Variants in SNRNP40 observed in about 807,000 individuals in gnomAD.
SNRNP40 encodes the protein U5 small nuclear ribonucleoprotein 40 kDa protein.
In SNRNP40, 21 loss-of-function variants were observed where a neutral mutation model predicts 45.8. The observed-to-expected ratio is 0.46, with a 90% CI of 0.32 to 0.66. The LOEUF is 0.66. Ranked by LOEUF, SNRNP40 falls within the 30% of genes least tolerant of loss-of-function variation. The probability of loss-of-function intolerance (pLI) is 0.03; values close to 1 mark genes in which losing one functional copy is unlikely to be tolerated. For synonymous variants in SNRNP40, 142 were observed against 163.8 expected, an observed-to-expected ratio of 0.87 and a Z score of 1.01; for missense variants, 344 against 439.1, an observed-to-expected ratio of 0.78 and a Z score of 1.94.
chr1:31,296,483 C>A, intron 1 of SNRNP40, 128 bp downstream of exon 1: 1 of 1,286,632 alleles, frequency 7.8e-7, no homozygotes. Flanking sequence ...TGTTTATGTG[C>A]TTTAACTCTG....
chr1:31,275,669 C>T (rs1282017171), intron 5 of SNRNP40, among the ~76,000 whole-genome samples: 1 of 152,182 alleles, frequency 6.6e-6, no homozygotes, highest in African/African-American at 2.4e-5. Context: ...GGATAACAGG[C>T]ATGAGCCACA....
At chr1:31,270,748 G>A (rs1419131417) in intron 6 of SNRNP40, among the ~76,000 whole-genome samples, 1 of 152,182 alleles carries the variant, frequency 6.6e-6, no homozygotes, top group Non-Finnish European at 1.5e-5. Flanking sequence ...ATACATTTTA[G>A]TTCCTGACAA....
intron 5 of SNRNP40, among the ~76,000 whole-genome samples, chr1:31,272,211 G>C (rs1407644179): frequency 1.3e-5 from 2 of 152,020 alleles, no homozygotes; most frequent in Non-Finnish European, 2.9e-5. Context: ...GAAAAATACA[G>C]ATGCTTAAAA....
At chr1:31,279,830 C>T (rs142083548) in intron 5 of SNRNP40, among the ~76,000 whole-genome samples, 205 of 151,506 alleles carry the variant, frequency 1.4e-3, no homozygotes, top group African/African-American at 4.6e-3. Flanking sequence ...ACCTTTAGGC[C>T]GGGCACGGTG....
chr1:31,282,660 C>CA, intron 4 of SNRNP40, among the ~76,000 whole-genome samples: 1 of 151,664 alleles, frequency 6.6e-6, no homozygotes, highest in Admixed American at 6.6e-5. Flanking sequence ...ATGTGTCTAT[C>CA]TATCTATCTA....
Position 31,259,599 on chromosome 1 carries a change from C to T in SNRNP40, c.*473G>A, listed in dbSNP as rs1001553241. The T allele has an allele frequency of 8.5e-6, 3 of 351,560 alleles. No individual in the cohort carries two copies. Among genetic ancestry groups the T allele is most frequent in the African/African-American group, 6.5e-5 (3 of 46,046 alleles). 21.8% of individuals were successfully genotyped at this position (351,560 alleles called of 1,614,324 possible). ...GTTTAAATGAATTGTATTCTGTGGC[C>T]ACATCATGCTCTATTCTGATTTATA... On this transcript the variant is annotated 3_prime_UTR_variant, in exon 10 of 10. Transcript: ENST00000263694.
intron 8 of SNRNP40, 131 bp from the exon 9 acceptor site, chr1:31,261,763 T>C: frequency 1.7e-6 from 1 of 598,316 alleles, no homozygotes; most frequent in East Asian, 2.9e-5. Flanking sequence ...TGTTCTGGCT[T>C]TTAGAAACTA....
chr1:31,296,783 G>A lies in SNRNP40; in HGVS notation c.-32C>T, dbSNP rs1430466961. ...AACCGGTCTCTTCAGCGCCGCCACT[G>A]ACCGCGCTGCCGCTCTCAGGCGCCA... On this transcript the variant is annotated 5_prime_UTR_variant, in exon 1 of 10. Transcript: ENST00000263694. The A allele has an allele frequency of 6.4e-7, 1 of 1,551,754 alleles. No homozygotes were observed. The highest frequency in any genetic ancestry group is 1.4e-5 in the African/African-American group (1 of 72,622).
intron 4 of SNRNP40, among the ~76,000 whole-genome samples, chr1:31,284,596 G>A (rs116587623): frequency 0.014 from 2,066 of 152,236 alleles, 49 homozygotes; most frequent in African/African-American, 0.047. Context: ...AGTATGGGTC[G>A]TTTCATTCAG....
rs766334220 is a variant in SNRNP40 at position 31,293,304 on chromosome 1, G to C, written c.186C>G (p.Leu62=). ...AGTAGACTTCCCCTTCATGTCCAGA[G>C]AGCAGCATGATTGGGGCTTGAAGGG... ...CSSLQAPIML[L]SGHEGEVYCC... Residue 62 remains leucine, a synonymous_variant, in exon 2 of 10, where the codon CTC becomes CTG. Transcript: ENST00000263694. 6 of 1,613,830 alleles carry C rather than the reference G, an allele frequency of 3.7e-6. No individual in the cohort carries two copies. In the Admixed American group the frequency reaches 1.0e-4, roughly 27 times the overall value.
At chr1:31,274,178 G>A (rs1645958620) in intron 5 of SNRNP40, among the ~76,000 whole-genome samples, 1 of 152,012 alleles carries the variant, frequency 6.6e-6, no homozygotes, top group African/African-American at 2.4e-5. Context: ...GTCAAAGAAG[G>A]GTTCAAAATA....
intron 4 of SNRNP40, among the ~76,000 whole-genome samples, chr1:31,283,189 G>A (rs1290374256): frequency 6.6e-6 from 1 of 152,094 alleles, no homozygotes; most frequent in East Asian, 1.9e-4. Flanking sequence ...TTTTGTTCTT[G>A]TTGTTGTAGG....
intron 7 of SNRNP40, 45 bp downstream of exon 7, chr1:31,269,113 C>A: frequency 6.6e-7 from 1 of 1,512,144 alleles, no homozygotes; most frequent in South Asian, 1.3e-5. Context: ...AAATGTTTCT[C>A]TGAAGTAAAT....
intron 1 of SNRNP40, among the ~76,000 whole-genome samples, chr1:31,296,037 G>GGTAA (rs1646151445): frequency 6.6e-6 from 1 of 152,158 alleles, no homozygotes; most frequent in Non-Finnish European, 1.5e-5. Flanking sequence ...TCACGTACTT[G>GGTAA]GTAAGTCTGT....
intron 6 of SNRNP40, chr1:31,269,555 G>C (rs1360080120): frequency 8.5e-6 from 4 of 468,036 alleles, no homozygotes; most frequent in African/African-American, 2.0e-5. Context: ...AGATTTCTCT[G>C]CCAGCTTAGT....
chr1:31,284,201 TGA>T (rs765009174), intron 4 of SNRNP40, among the ~76,000 whole-genome samples: 1 of 152,180 alleles, frequency 6.6e-6, no homozygotes, highest in Non-Finnish European at 1.5e-5. Context: ...CCAGCCTGGG[TGA>T]GAGTGGCGGC....
In SNRNP40 at chr1:31,296,710, C is replaced by T. The variant is rs752930341; in HGVS notation, c.42G>A (p.Leu14=). Residue 14 remains leucine (L), a synonymous_variant, in exon 1 of 10, where the codon CTG becomes CTA. Coordinates refer to ENST00000263694, the MANE Select transcript of SNRNP40 (RefSeq NM_004814.3). The part of the protein sequence containing the change: ...QQKRKGPELP[L]VPVKRQRHEL... ...CATGCCGCTGCCGCTTGACTGGAAC[C>T]AGCGGCAACTCTGGGCCCTTACGCT... 1.2e-6 allele frequency: 2 copies of T among 1,613,620 alleles called. No homozygotes were observed. Among genetic ancestry groups the T allele is most frequent in the Non-Finnish European group, 1.7e-6 (2 of 1,179,820 alleles).
chr1:31,285,264 G>GA lies in SNRNP40; in HGVS notation c.532-3769dup, dbSNP rs1646049606. On this transcript the variant is annotated intron_variant, in intron 4 of 9. Coordinates refer to ENST00000263694, the MANE Select transcript of SNRNP40 (RefSeq NM_004814.3). ...CACCTTTTTTTTTTTTTTGAGATGG[G>GA]AGTCTCACTCTGTCTGTTGCTCATT... Among the ~76,000 whole-genome samples the GA allele has an allele frequency of 2.0e-5, 3 of 146,760 alleles. No homozygotes were observed. In the South Asian group the frequency reaches 6.4e-4, roughly 31 times the overall value.
At chr1:31,282,851 T>C (rs1384683405) in intron 4 of SNRNP40, among the ~76,000 whole-genome samples, 1 of 152,072 alleles carries the variant, frequency 6.6e-6, no homozygotes. Flanking sequence ...AATTTTTGTA[T>C]TTTTAGTAGA....
Sources: gnomAD v4.1 joint callset for allele counts (sites outside exome capture counted in the v4.1 genomes callset) on GRCh38, gnomAD v4.1.1 for gene constraint, MANE v1.5 for transcripts, NCBI Gene and HGNC (gene_info 2026-07-23, HGNC 2026-07-21) for gene names.